TNPO1: variants seen among roughly 807,000 people sequenced by gnomAD.
The protein encoded by TNPO1 is transportin 1.
A neutral mutation model predicts 119.5 loss-of-function variants in TNPO1; 8 were observed. The observed-to-expected ratio is 0.07, with a 90% CI of 0.04 to 0.12. The LOEUF is 0.12. Ranked by LOEUF, TNPO1 falls within the 10% of genes least tolerant of loss-of-function variation. TNPO1 has a pLI of 1.00. For missense variants in TNPO1, 576 were observed against 1,089.8 expected, an observed-to-expected ratio of 0.53 and a Z score of 6.64; for synonymous variants, 362 against 363.0, an observed-to-expected ratio of 1.00 and a Z score of 0.03.
chr5:72,835,011 C>A (rs1744638038), intron 1 of TNPO1, among the ~76,000 whole-genome samples: 1 of 152,178 alleles, frequency 6.6e-6, no homozygotes, highest in Admixed American at 6.5e-5. Flanking sequence ...CAGCAACATG[C>A]TATACAGGTT....
intron 12 of TNPO1, 130 bp from the exon 13 acceptor site, chr5:72,887,948 G>A (rs1347463313): frequency 1.2e-6 from 1 of 836,182 alleles, no homozygotes; most frequent in East Asian, 2.7e-5. Context: ...TTTTGGTATA[G>A]GTTATTGTAG....
intron 24 of TNPO1, among the ~76,000 whole-genome samples, chr5:72,908,376 T>G (rs1750322898): frequency 6.6e-6 from 1 of 152,134 alleles, no homozygotes; most frequent in Non-Finnish European, 1.5e-5. Context: ...AAGTTCCCAT[T>G]GGGTCCCATT....
At chr5:72,868,537 T>C (rs1561327199) in intron 6 of TNPO1, among the ~76,000 whole-genome samples, 1 of 152,038 alleles carries the variant, frequency 6.6e-6, no homozygotes, top group Non-Finnish European at 1.5e-5. Context: ...TATGTAACTT[T>C]TTCTTGCTGT....
chr5:72,871,286 T>A (rs1254948361), intron 6 of TNPO1, among the ~76,000 whole-genome samples: 1 of 152,144 alleles, frequency 6.6e-6, no homozygotes, highest in Non-Finnish European at 1.5e-5. Flanking sequence ...CAGTAGTAGT[T>A]TTATAGAATG....
intron 7 of TNPO1, 62 bp from the exon 8 acceptor site, chr5:72,875,553 A>G (rs1747698202): frequency 1.9e-5 from 30 of 1,546,418 alleles, no homozygotes; most frequent in Non-Finnish European, 2.5e-5. Context: ...CAACTTGCAG[A>G]TTACTTATTA....
intron 8 of TNPO1, 144 bp from the exon 9 acceptor site, chr5:72,877,084 G>T: frequency 2.5e-6 from 1 of 400,106 alleles, no homozygotes; most frequent in East Asian, 3.7e-5. Context: ...GACAGAGTGA[G>T]ACTGCATCTC....
At chr5:72,849,312 C>T (rs933002308) in intron 2 of TNPO1, among the ~76,000 whole-genome samples, 4 of 152,152 alleles carry the variant, frequency 2.6e-5, no homozygotes, top group African/African-American at 9.7e-5. Flanking sequence ...CTAAACCGTG[C>T]TCAAATGGAG....
chr5:72,901,145 T>C, intron 22 of TNPO1, 72 bp downstream of exon 22: 3 of 915,722 alleles, frequency 3.3e-6, no homozygotes, highest in East Asian at 3.0e-5. Flanking sequence ...ATTCTAATAC[T>C]TTAATTATAA....
chr5:72,833,000 T>C (rs931682429), intron 1 of TNPO1, among the ~76,000 whole-genome samples: 1 of 152,170 alleles, frequency 6.6e-6, no homozygotes, highest in Non-Finnish European at 1.5e-5. Flanking sequence ...TTAATTCCCA[T>C]GGCAGTCATC....
intron 8 of TNPO1, among the ~76,000 whole-genome samples, chr5:72,876,071 C>A (rs1353087034): frequency 6.6e-6 from 1 of 152,176 alleles, no homozygotes; most frequent in African/African-American, 2.4e-5. Context: ...TGTTCTAAAA[C>A]TTTACACATG....
chr5:72,865,737 T>G lies in TNPO1; in HGVS notation c.596+8T>G. The stretch of plus-strand genomic sequence containing the variant: ...TAGTAGTCCAAAAATAAGGTACTTA[T>G]ATTGCCAGTACTAATTGATTAACTG... On this transcript the variant is annotated splice_region_variant and intron_variant, in intron 6 of 24. Coordinates refer to ENST00000337273, the MANE Select transcript of TNPO1 (RefSeq NM_002270.4). The G allele has an allele frequency of 6.2e-7, 1 of 1,612,190 alleles. No homozygotes were observed. Among genetic ancestry groups the G allele is most frequent in the South Asian group, 1.1e-5 (1 of 90,812 alleles).
chr5:72,849,528 C>T (rs1440628020), intron 2 of TNPO1, among the ~76,000 whole-genome samples: 4 of 152,280 alleles, frequency 2.6e-5, no homozygotes, highest in East Asian at 3.9e-4. Flanking sequence ...ACATTTAAAA[C>T]ATCTGTAAAG....
intron 18 of TNPO1, among the ~76,000 whole-genome samples, chr5:72,896,165 T>C (rs1561355856): frequency 6.6e-6 from 1 of 152,184 alleles, no homozygotes; most frequent in Non-Finnish European, 1.5e-5. Flanking sequence ...TAGTGGTATG[T>C]AAAATATACC....
At position 72,890,066 on chromosome 5, in the gene TNPO1, G is replaced by A. The variant is rs181252285; in HGVS notation, c.1701+109G>A. 2.4e-5 allele frequency: 29 copies of A among 1,210,354 alleles called. No individual in the cohort carries two copies. In the East Asian group the frequency reaches 5.0e-4, roughly 21 times the overall value. 75.0% of individuals were successfully genotyped at this position (1,210,354 alleles called of 1,614,324 possible). ...ATGTTTTGGGAGATGTGAATAGTTA[G>A]CGTTAGCTACTTTAAGAGTATAGAT... On this transcript the variant is annotated intron_variant, in intron 14 of 24. Transcript: ENST00000337273.
chr5:72,840,932 T>A (rs1744883454), intron 1 of TNPO1, among the ~76,000 whole-genome samples: 1 of 152,194 alleles, frequency 6.6e-6, no homozygotes. Flanking sequence ...AACTAGATGA[T>A]TTACCCATCA....
intron 1 of TNPO1, among the ~76,000 whole-genome samples, chr5:72,841,927 A>G (rs1744934531): frequency 6.6e-6 from 1 of 151,550 alleles, no homozygotes; most frequent in South Asian, 2.1e-4. Flanking sequence ...AAGTCTACAT[A>G]TCTGATTCAC....
chr5:72,875,284 G>A (rs538498299), intron 7 of TNPO1, among the ~76,000 whole-genome samples: 3 of 152,230 alleles, frequency 2.0e-5, no homozygotes, highest in African/African-American at 2.4e-5. Context: ...TTAAAAATCA[G>A]GGTTGGTAGG....
At chr5:72,838,757 C>A (rs1384864220) in intron 1 of TNPO1, among the ~76,000 whole-genome samples, 1 of 152,106 alleles carries the variant, frequency 6.6e-6, no homozygotes, top group Non-Finnish European at 1.5e-5. Context: ...ATTTAATGAA[C>A]TATGAATTAA....
At chr5:72,832,283 A>AATG (rs1744510014) in intron 1 of TNPO1, among the ~76,000 whole-genome samples, 1 of 152,170 alleles carries the variant, frequency 6.6e-6, no homozygotes, top group Non-Finnish European at 1.5e-5. Context: ...TGCTAATTGG[A>AATG]CTAAAACCAT....
Sources: allele counts gnomAD v4.1 joint callset (sites outside exome capture counted in the v4.1 genomes callset), GRCh38; gene constraint gnomAD v4.1.1; transcripts MANE v1.5; gene names NCBI Gene and HGNC (gene_info 2026-07-23, HGNC 2026-07-21).